Variants in MMP26 observed in about 807,000 individuals in gnomAD.
MMP26 encodes the protein matrix metalloproteinase-26.
MMP26 carries 33 observed loss-of-function variants against 31.0 expected under a neutral mutation model. The observed-to-expected ratio is 1.06, with a 90% confidence interval of 0.81 to 1.42. The LOEUF (loss-of-function observed/expected upper bound fraction) is 1.42, where lower values mean the gene tolerates loss of function less well. Ranked by LOEUF, MMP26 falls within the 40% of genes most tolerant of loss-of-function variation. MMP26 has a pLI of 0.00. For synonymous variants in MMP26, 122 were observed against 114.9 expected (o/e 1.06, Z -0.40); for missense variants, 347 against 316.1 (o/e 1.10, Z -0.74).
chr11:4,903,937 A>C (rs7118691), intron 2 of MMP26: 75,119 of 151,862 alleles, frequency 0.49, 20,750 homozygotes, highest in Middle Eastern at 0.69. Context: ...TGAATATATT[A>C]TGCCCTGACG....
chr11:4,791,578 A>G (rs1285564775), intron 2 of MMP26, among the ~76,000 whole-genome samples: 3 of 152,240 alleles, frequency 2.0e-5, no homozygotes, highest in South Asian at 2.1e-4. Flanking sequence ...ATCACAACAA[A>G]TTGTTCCTGC....
chr11:4,848,859 A>G (rs943110462), intron 2 of MMP26: 1 of 1,614,084 alleles, frequency 6.2e-7, no homozygotes, highest in African/African-American at 1.3e-5. Context: ...GGACTCCATG[A>G]CAGAAAAGAC....
Position 4,988,188 on chromosome 11 carries a change from C to A in MMP26, c.-24C>A. On this transcript the variant is annotated 5_prime_UTR_variant, in exon 3 of 8. Coordinates refer to ENST00000380390, the MANE Select transcript of MMP26 (RefSeq NM_021801.5). Reference sequence around the variant, plus strand: ...CCCAAGTTGTGTACCTGAATTCAAGCAGTGGGACAAATGAGGGTTTGGCAT... The same window carrying A: ...CCCAAGTTGTGTACCTGAATTCAAGAAGTGGGACAAATGAGGGTTTGGCAT... The A allele has an allele frequency of 1.2e-6, 2 of 1,605,708 alleles. No individual in the cohort carries two copies. Among genetic ancestry groups the A allele is most frequent in the Non-Finnish European group, 1.7e-6 (2 of 1,172,400 alleles).
At chr11:4,708,210 C>T (rs891376117) in intron 1 of MMP26, among the ~76,000 whole-genome samples, 1 of 152,144 alleles carries the variant, frequency 6.6e-6, no homozygotes, top group Admixed American at 6.6e-5. Flanking sequence ...AGGCTTGACT[C>T]GAAGATCCAT....
At position 4,950,532 on chromosome 11, in the gene MMP26, GA is replaced by G. The variant is rs1414874141; in HGVS notation, c.-144-37535del. The stretch of plus-strand genomic sequence containing the variant: ...GAATACTAGATGATGGGGATGGGGG[GA>G]GTCTGGAGATGATAGTCAAAAGGTA... On this transcript the variant is annotated intron_variant, in intron 2 of 7. Transcript: ENST00000380390. Among the ~76,000 whole-genome samples, 11 of 119,550 alleles carry G rather than the reference GA, an allele frequency of 9.2e-5. 3 individuals carry two copies. Among genetic ancestry groups the G allele is most frequent in the African/African-American group, 3.1e-4 (11 of 35,562 alleles). 78.4% of individuals were successfully genotyped at this position (119,550 alleles called of 152,430 possible). A position where few individuals can be genotyped will look rare whatever the true frequency, so the allele number is the denominator to read the frequency against.
In MMP26 at chr11:4,928,158, C is replaced by A. The variant is rs115223523; in HGVS notation, c.-144-59910C>A. Among the ~76,000 whole-genome samples the A allele has an allele frequency of 5.9e-3, 894 of 152,036 alleles. 5 individuals carry two copies. Among genetic ancestry groups the A allele is most frequent in the African/African-American group, 0.021 (858 of 41,474 alleles). On this transcript the variant is annotated intron_variant, in intron 2 of 7. Transcript: ENST00000380390. Reference sequence around the variant, plus strand: ...ATCTTTCTGAGATTATTTTCTTATGCTTTAAAAAAGGAATTTTTCCTCCTT... The same window carrying A: ...ATCTTTCTGAGATTATTTTCTTATGATTTAAAAAAGGAATTTTTCCTCCTT...
intron 2 of MMP26, among the ~76,000 whole-genome samples, chr11:4,970,987 AG>A (rs1382712471): frequency 5.3e-5 from 8 of 152,212 alleles, no homozygotes; most frequent in Non-Finnish European, 1.2e-4. Flanking sequence ...ATATTCAAGA[AG>A]GGAATTTCAA....
At position 4,819,887 on chromosome 11, in the gene MMP26, A is replaced by G. The variant is rs73403057; in HGVS notation, c.-145+52546A>G. Among the ~76,000 whole-genome samples the G allele has an allele frequency of 4.3e-3, 650 of 152,062 alleles. 8 individuals are homozygous for G. Among genetic ancestry groups the G allele is most frequent in the African/African-American group, 0.015 (608 of 41,488 alleles). On this transcript the variant is annotated intron_variant, in intron 2 of 7. Transcript: ENST00000380390. ...GAACCCTGTGCCTGGCCTCAACTGA[A>G]TTTGATGGTTCCATTTTGGTGTTAT...
chr11:4,885,228 A>G (rs1850531767), intron 2 of MMP26, among the ~76,000 whole-genome samples: 1 of 152,242 alleles, frequency 6.6e-6, no homozygotes, highest in Non-Finnish European at 1.5e-5. Context: ...TGAGTGTCAT[A>G]TATATAATTA....
rs1000168186 is a variant in MMP26, at chr11:4,777,127, T to A, written c.-145+9786T>A. The stretch of plus-strand genomic sequence containing the variant: ...CTTGTAATTCTTTGCAAAATTTGAT[T>A]AACCTCCCTGAATCTCAGTTTCCTC... On this transcript the variant is annotated intron_variant, in intron 2 of 7. Transcript: ENST00000380390. 1.1e-4 allele frequency among the ~76,000 whole-genome samples: 17 copies of A among 152,278 alleles called. No homozygotes were observed. In the South Asian group the frequency reaches 2.1e-3, roughly 19 times the overall value.
At chr11:4,709,767 A>T (rs201950100) in intron 1 of MMP26, 3 of 459,286 alleles carry the variant, frequency 6.5e-6, no homozygotes, top group African/African-American at 6.0e-5. Flanking sequence ...TTTTCTCTCC[A>T]TGCTATCCTT....
intron 2 of MMP26, chr11:4,821,670 C>T (rs766268146): frequency 6.2e-7 from 1 of 1,613,928 alleles, no homozygotes; most frequent in African/African-American, 1.3e-5. Flanking sequence ...TTTCTACTAC[C>T]CTTGGTGTCT....
chr11:4,778,373 G>C (rs1219993691), intron 2 of MMP26, among the ~76,000 whole-genome samples: 1 of 151,858 alleles, frequency 6.6e-6, no homozygotes, highest in Non-Finnish European at 1.5e-5. Context: ...AATAGATCTG[G>C]TATTCGTTAT....
intron 2 of MMP26, among the ~76,000 whole-genome samples, chr11:4,930,848 A>G (rs921987950): frequency 3.3e-5 from 5 of 152,034 alleles, no homozygotes; most frequent in South Asian, 2.1e-4. Flanking sequence ...AGTAAATACT[A>G]TATAAATAAT....
chr11:4,957,289 A>C (rs1846457103), intron 2 of MMP26, among the ~76,000 whole-genome samples: 1 of 152,244 alleles, frequency 6.6e-6, no homozygotes, highest in Non-Finnish European at 1.5e-5. Context: ...CATTGTAAAA[A>C]CATAAACATT....
chr11:4,833,472 T>C (rs1398666135), intron 2 of MMP26, among the ~76,000 whole-genome samples: 2 of 152,202 alleles, frequency 1.3e-5, no homozygotes, highest in Non-Finnish European at 2.9e-5. Flanking sequence ...TCTTATTTTA[T>C]TTTCATTGTG....
chr11:4,775,859 A>G (rs1005672258), intron 2 of MMP26, among the ~76,000 whole-genome samples: 2 of 152,164 alleles, frequency 1.3e-5, no homozygotes, highest in African/African-American at 4.8e-5. Flanking sequence ...TATATTGTAT[A>G]GTGGTGAAGT....
At chr11:4,804,722 A>G in intron 2 of MMP26, 1 of 384,856 alleles carries the variant, frequency 2.6e-6, no homozygotes, top group Non-Finnish European at 5.1e-6. Context: ...AGGCAGGCAG[A>G]TTGCTTGAGG....
At chr11:4,982,831 A>T (rs1846834066) in intron 2 of MMP26, among the ~76,000 whole-genome samples, 1 of 152,202 alleles carries the variant, frequency 6.6e-6, no homozygotes, top group Non-Finnish European at 1.5e-5. Context: ...AAAAGAAATG[A>T]CCTGAGGTTC....
Sources: allele counts gnomAD v4.1 joint callset (sites outside exome capture counted in the v4.1 genomes callset), GRCh38; gene constraint gnomAD v4.1.1; transcripts MANE v1.5; gene names NCBI Gene and HGNC (gene_info 2026-07-23, HGNC 2026-07-21).